CTNNA3: variants seen among roughly 807,000 people sequenced by gnomAD.
The protein encoded by CTNNA3 is catenin alpha 3.
A neutral mutation model predicts 95.7 loss-of-function variants in CTNNA3; 76 were observed. That is an observed-to-expected ratio of 0.79 (90% CI 0.66 to 0.96). CTNNA3 has a LOEUF of 0.96. Among genes scored for constraint, CTNNA3 ranks in the 40% least tolerant of loss-of-function variants. The pLI, the probability that CTNNA3 is intolerant of heterozygous loss-of-function variation, is 0.00. For synonymous variants in CTNNA3, 431 were observed against 374.4 expected (o/e 1.15, Z -1.74); for missense variants, 1,191 against 1,089.8 (o/e 1.09, Z -1.31).
intron 3 of CTNNA3, among the ~76,000 whole-genome samples, chr10:67,573,912 T>C (rs1421471094): frequency 6.6e-6 from 1 of 152,222 alleles, no homozygotes; most frequent in Non-Finnish European, 1.5e-5. Flanking sequence ...ATGAGAATAA[T>C]TATAGCAGAT....
At chr10:65,974,357 T>C (rs1460961246) in intron 16 of CTNNA3, among the ~76,000 whole-genome samples, 1 of 152,060 alleles carries the variant, frequency 6.6e-6, no homozygotes. Flanking sequence ...CCACCAATGG[T>C]GGATTGAATA....
intron 7 of CTNNA3, among the ~76,000 whole-genome samples, chr10:66,940,962 C>T (rs552421967): frequency 6.2e-4 from 95 of 152,250 alleles, no homozygotes; most frequent in Middle Eastern, 3.4e-3. Flanking sequence ...AAAAATGCAA[C>T]TGAGTTTGCT....
At chr10:67,144,896 C>A (rs781641055) in intron 7 of CTNNA3, among the ~76,000 whole-genome samples, 1 of 152,132 alleles carries the variant, frequency 6.6e-6, no homozygotes, top group Admixed American at 6.6e-5. Context: ...TTTTGGCCTG[C>A]GTAAGCTTTC....
intron 5 of CTNNA3, among the ~76,000 whole-genome samples, chr10:67,437,487 T>C (rs996322987): frequency 2.0e-5 from 3 of 151,994 alleles, no homozygotes; most frequent in African/African-American, 7.2e-5. Context: ...CCAATAAATT[T>C]AATAAATACC....
intron 5 of CTNNA3, among the ~76,000 whole-genome samples, chr10:67,363,238 G>T (rs975187963): frequency 6.6e-6 from 1 of 151,688 alleles, no homozygotes; most frequent in Non-Finnish European, 1.5e-5. Context: ...AACTACCACC[G>T]TTTTTCACAG....
intron 3 of CTNNA3, among the ~76,000 whole-genome samples, chr10:67,599,541 C>CA (rs1357682344): frequency 6.6e-6 from 1 of 151,456 alleles, no homozygotes; most frequent in Non-Finnish European, 1.5e-5. Context: ...AAACTATTTT[C>CA]AAAAAACAAA....
At position 66,927,685 on chromosome 10, in the gene CTNNA3, A is replaced by G; in HGVS notation, c.1048-152161T>C. ...GTCCTGGACCTGGAGCTCCTTACAA[A>G]GGCTTGATTTATCAGGCAATGAGAT... On this transcript the variant is annotated intron_variant, in intron 7 of 17. Transcript: ENST00000433211. This position sits in a 1 kb window ranked among gnomAD's most constrained non-coding sequence, Gnocchi z 4.7. 1 of 1,614,146 alleles carries G rather than the reference A, an allele frequency of 6.2e-7. No homozygotes were observed. The highest frequency in any genetic ancestry group is 1.1e-5 in the South Asian group (1 of 91,084).
At chr10:67,552,526 T>G (rs1413171152) in intron 3 of CTNNA3, among the ~76,000 whole-genome samples, 4 of 151,138 alleles carry the variant, frequency 2.6e-5, no homozygotes, top group African/African-American at 4.9e-5. Context: ...GTCTCGGGGG[T>G]TTTTATAGGC....
chr10:67,499,915 T>C (rs2133099884), intron 5 of CTNNA3, among the ~76,000 whole-genome samples: 1 of 152,294 alleles, frequency 6.6e-6, no homozygotes, highest in African/African-American at 2.4e-5. Flanking sequence ...GAAGGGTTTT[T>C]CATATCTCTA....
chr10:66,887,791 C>G (rs952415632), intron 7 of CTNNA3, among the ~76,000 whole-genome samples: 1 of 152,044 alleles, frequency 6.6e-6, no homozygotes, highest in African/African-American at 2.4e-5. Flanking sequence ...GGAAAAGATC[C>G]TAGGAGGAAG....
At chr10:66,501,529 A>T (rs1415452384) in intron 11 of CTNNA3, among the ~76,000 whole-genome samples, 1 of 152,190 alleles carries the variant, frequency 6.6e-6, no homozygotes, top group African/African-American at 2.4e-5. Flanking sequence ...TAATTGCTCA[A>T]TAAGTATTTG....
intron 13 of CTNNA3, among the ~76,000 whole-genome samples, chr10:66,251,258 A>G (rs2090540562): frequency 6.6e-6 from 1 of 152,086 alleles, no homozygotes; most frequent in African/African-American, 2.4e-5. Flanking sequence ...TACACTGATC[A>G]GTCTTTGTAT....
intron 11 of CTNNA3, among the ~76,000 whole-genome samples, chr10:66,389,294 AT>A (rs2092917618): frequency 6.6e-6 from 1 of 152,124 alleles, no homozygotes; most frequent in Non-Finnish European, 1.5e-5. Context: ...AGAATATGTT[AT>A]TATAGAACAA....
intron 1 of CTNNA3, among the ~76,000 whole-genome samples, chr10:67,724,894 TACA>T (rs993546243): frequency 7.9e-5 from 12 of 152,152 alleles, no homozygotes; most frequent in Non-Finnish European, 1.5e-4. Flanking sequence ...TACATATTTA[TACA>T]ACAACTTGCC....
intron 5 of CTNNA3, among the ~76,000 whole-genome samples, chr10:67,261,597 A>G (rs1246499611): frequency 6.6e-6 from 1 of 152,218 alleles, no homozygotes; most frequent in Non-Finnish European, 1.5e-5. Context: ...ACATTGCGTA[A>G]CATCACCAGA....
rs181418448 is a variant in CTNNA3, at chr10:67,001,049, T to A, written c.1047+179268A>T. On this transcript the variant is annotated intron_variant, in intron 7 of 17. Transcript: ENST00000433211. ...CAGGTGCAGTGGCTCATGCCTGTAA[T>A]CCCAGCACTTTGGGAGGCCGAGGTG... Among the ~76,000 whole-genome samples the A allele has an allele frequency of 3.9e-4, 59 of 152,146 alleles. No homozygotes were observed. The Middle Eastern group carries it at 0.014, about 35-fold the overall frequency.
At chr10:65,940,394 A>G (rs533314047) in intron 17 of CTNNA3, among the ~76,000 whole-genome samples, 2 of 152,332 alleles carry the variant, frequency 1.3e-5, no homozygotes, top group South Asian at 4.1e-4. Context: ...CACTTACTCC[A>G]ACATAACAGA....
chr10:67,579,707 C>G (rs1216868897), intron 3 of CTNNA3, among the ~76,000 whole-genome samples: 1 of 152,184 alleles, frequency 6.6e-6, no homozygotes, highest in Non-Finnish European at 1.5e-5. Flanking sequence ...ACATCCTCTC[C>G]AGCACCTGTT....
rs1374810713 is a variant in CTNNA3 at position 66,889,665 on chromosome 10, G to A, written c.1048-114141C>T. Among the ~76,000 whole-genome samples, 5 of 152,028 alleles carry A rather than the reference G, an allele frequency of 3.3e-5. 1 individual carries two copies. On this transcript the variant is annotated intron_variant, in intron 7 of 17. Transcript: ENST00000433211. Reference sequence around the variant, plus strand: ...CTGAATTTTAGAGGCAGAACTATAAGATTTTATGATGCATAAGGTATGAAA... The same window carrying A: ...CTGAATTTTAGAGGCAGAACTATAAAATTTTATGATGCATAAGGTATGAAA...
Sources: gnomAD v4.1 joint callset for allele counts (sites outside exome capture counted in the v4.1 genomes callset) on GRCh38, gnomAD v4.1.1 for gene constraint, Gnocchi (gnomAD v3.1) non-coding constraint, MANE v1.5 for transcripts, NCBI Gene and HGNC (gene_info 2026-07-23, HGNC 2026-07-21) for gene names.